The following DLG2 variants were observed in gnomAD, a reference collection of about 807,000 sequenced individuals.
DLG2 encodes the protein disks large homolog 2.
In DLG2, 45 loss-of-function variants were observed where a neutral mutation model predicts 132.5. The ratio of observed to expected loss-of-function variants is 0.34; its 90% CI spans 0.27 to 0.44. DLG2 has a LOEUF of 0.44. Ranked by LOEUF, DLG2 falls within the 20% of genes least tolerant of loss-of-function variation. DLG2 has a pLI of 1.00. For missense variants in DLG2, 1,045 were observed against 1,196.9 expected, an observed-to-expected ratio of 0.87 and a Z score of 1.87; for synonymous variants, 424 against 419.6, an observed-to-expected ratio of 1.01 and a Z score of -0.13.
At chr11:85,304,610 G>A (rs1313291925) in intron 3 of DLG2, among the ~76,000 whole-genome samples, 3 of 151,938 alleles carry the variant, frequency 2.0e-5, no homozygotes, top group Non-Finnish European at 4.4e-5. Context: ...TCAGATTTCA[G>A]GTATTCAGAT....
intron 18 of DLG2, among the ~76,000 whole-genome samples, chr11:83,702,526 C>T (rs2083143330): frequency 6.6e-6 from 1 of 152,236 alleles, no homozygotes; most frequent in African/African-American, 2.4e-5. Context: ...ACATGGCAGG[C>T]TTGGGAGAAA....
chr11:84,826,797 T>A (rs928498273), intron 6 of DLG2, among the ~76,000 whole-genome samples: 1 of 151,840 alleles, frequency 6.6e-6, no homozygotes, highest in African/African-American at 2.4e-5. Context: ...TCAATTTTCT[T>A]TGGTCCTTCC....
intron 3 of DLG2, among the ~76,000 whole-genome samples, chr11:85,324,652 C>A (rs1332872662): frequency 6.6e-6 from 1 of 152,164 alleles, no homozygotes; most frequent in Non-Finnish European, 1.5e-5. Context: ...AAAAAAGCTA[C>A]ACAAGAGGTT....
chr11:84,035,566 G>C (rs910482877), intron 11 of DLG2, among the ~76,000 whole-genome samples: 2 of 152,182 alleles, frequency 1.3e-5, no homozygotes, highest in African/African-American at 4.8e-5. Flanking sequence ...ATGGGCAAGG[G>C]GAAATTGATG....
chr11:85,490,745 A>T (rs1056116525), intron 3 of DLG2, among the ~76,000 whole-genome samples: 4 of 152,102 alleles, frequency 2.6e-5, no homozygotes, highest in African/African-American at 7.2e-5. Flanking sequence ...CCCCAGATTC[A>T]ACCAGGAAAA....
chr11:85,540,803 G>GA (rs2075912713), intron 3 of DLG2, among the ~76,000 whole-genome samples: 1 of 152,190 alleles, frequency 6.6e-6, no homozygotes, highest in Non-Finnish European at 1.5e-5. Flanking sequence ...AACTGCCCAT[G>GA]ACCTGCCCAT....
intron 11 of DLG2, among the ~76,000 whole-genome samples, chr11:84,037,672 C>T (rs1044896875): frequency 2.0e-5 from 3 of 152,042 alleles, no homozygotes; most frequent in Non-Finnish European, 4.4e-5. Context: ...GTGGTAGATA[C>T]TAAATTAAAT....
intron 7 of DLG2, among the ~76,000 whole-genome samples, chr11:84,390,224 AT>A (rs2098787603): frequency 6.6e-6 from 1 of 152,204 alleles, no homozygotes; most frequent in African/African-American, 2.4e-5. Flanking sequence ...TGAAACAAAA[AT>A]ATCAAGGAAT....
chr11:85,245,287 A>C (rs562473501), intron 4 of DLG2, among the ~76,000 whole-genome samples: 2 of 152,078 alleles, frequency 1.3e-5, no homozygotes, highest in South Asian at 4.1e-4. Context: ...AAAAACTTTA[A>C]TGCTATATCT....
intron 6 of DLG2, among the ~76,000 whole-genome samples, chr11:84,875,966 G>A (rs1185705556): frequency 6.6e-6 from 1 of 152,290 alleles, no homozygotes; most frequent in East Asian, 1.9e-4. Context: ...TCGAATGCCT[G>A]ACCTCAAGTG....
intron 17 of DLG2, among the ~76,000 whole-genome samples, chr11:83,795,427 CTATATCTATATCTA>C (rs1233333389): frequency 1.2e-5 from 1 of 85,630 alleles, no homozygotes; most frequent in East Asian, 3.7e-4. Flanking sequence ...ATATCTATAT[CTATATCTATATCTA>C]TATATCTATA....
chr11:85,369,245 T>C (rs79044916), intron 3 of DLG2, among the ~76,000 whole-genome samples: 7,513 of 152,026 alleles, frequency 0.049, 206 homozygotes, highest in African/African-American at 0.059. Flanking sequence ...GGCTGGGGTG[T>C]ATGGCCCAAG....
At chr11:85,344,970 A>AC (rs2082730974) in intron 3 of DLG2, among the ~76,000 whole-genome samples, 1 of 150,724 alleles carries the variant, frequency 6.6e-6, no homozygotes, top group African/African-American at 2.5e-5. Context: ...ATTTTAAACA[A>AC]AAAAAAAACA....
At chr11:85,585,008 A>C (rs1041551979) in intron 3 of DLG2, among the ~76,000 whole-genome samples, 1 of 152,112 alleles carries the variant, frequency 6.6e-6, no homozygotes, top group Admixed American at 6.5e-5. Flanking sequence ...TAGTTTAATT[A>C]AGTTCCATCT....
intron 19 of DLG2, among the ~76,000 whole-genome samples, chr11:83,556,304 T>C (rs1807295045): frequency 6.6e-6 from 1 of 152,092 alleles, no homozygotes; most frequent in African/African-American, 2.4e-5. Flanking sequence ...GGGAAACGTT[T>C]CTACTGAGAA....
intron 6 of DLG2, among the ~76,000 whole-genome samples, chr11:84,605,312 G>A (rs2099583475): frequency 6.6e-6 from 1 of 151,816 alleles, no homozygotes; most frequent in Non-Finnish European, 1.5e-5. Context: ...ACAAGGGTAT[G>A]CACATATTAA....
intron 15 of DLG2, among the ~76,000 whole-genome samples, chr11:83,892,698 T>TA (rs2070297658): frequency 8.6e-6 from 1 of 115,896 alleles, no homozygotes; most frequent in Non-Finnish European, 1.8e-5. Context: ...TTGCAAAGAA[T>TA]TAAAAAAAAA....
At chr11:85,271,549 C>A (rs1334604022) in intron 4 of DLG2, among the ~76,000 whole-genome samples, 4 of 152,278 alleles carry the variant, frequency 2.6e-5, no homozygotes, top group African/African-American at 7.2e-5. Context: ...AAGCCACAGA[C>A]ACTCAATGCC....
intron 6 of DLG2, among the ~76,000 whole-genome samples, chr11:85,048,783 T>C (rs2062605579): frequency 6.6e-6 from 1 of 152,040 alleles, no homozygotes; most frequent in Non-Finnish European, 1.5e-5. Flanking sequence ...CAGATTTTTA[T>C]GGGAGAAAAT....
Sources: allele counts gnomAD v4.1 joint callset (sites outside exome capture counted in the v4.1 genomes callset), GRCh38; gene constraint gnomAD v4.1.1; transcripts MANE v1.5; gene names NCBI Gene and HGNC (gene_info 2026-07-23, HGNC 2026-07-21).